Variants in IPCEF1 observed in about 807,000 individuals in gnomAD.
IPCEF1 encodes interactor protein for cytohesin exchange factors 1.
Under a neutral mutation model 50.9 loss-of-function variants are expected in IPCEF1, and 31 were observed. The observed-to-expected ratio is 0.61, with a 90% CI of 0.46 to 0.82. IPCEF1 has a LOEUF of 0.82. Ranked by LOEUF, IPCEF1 falls within the 40% of genes least tolerant of loss-of-function variation. IPCEF1 has a pLI of 0.00. For synonymous variants in IPCEF1, 181 were observed against 192.0 expected, an observed-to-expected ratio of 0.94 and a Z score of 0.47; for missense variants, 458 against 514.0, an observed-to-expected ratio of 0.89 and a Z score of 1.05.
chr6:154,191,317 A>G lies in IPCEF1; in HGVS notation c.910+8351T>C, dbSNP rs188977554. On this transcript the variant is annotated intron_variant, in intron 10 of 11. Coordinates refer to ENST00000367220, the MANE Select transcript of IPCEF1 (RefSeq NM_001130700.2). ...AAACTAGTCTGTATGATACTGTATTAGTGGATACATGACGTTATACATTTG... is the reference window on the plus strand; with the variant it reads ...AAACTAGTCTGTATGATACTGTATTGGTGGATACATGACGTTATACATTTG... Among the ~76,000 whole-genome samples the G allele has an allele frequency of 1.2e-4, 19 of 152,310 alleles. No individual in the cohort carries two copies. In the East Asian group the frequency reaches 3.5e-3, roughly 28 times the overall value.
At chr6:154,222,582 C>T (rs1778950360) in intron 6 of IPCEF1, among the ~76,000 whole-genome samples, 1 of 152,200 alleles carries the variant, frequency 6.6e-6, no homozygotes, top group Non-Finnish European at 1.5e-5. Context: ...CCAGCCCGCT[C>T]ATGAGATCTA....
chr6:154,159,717 T>C lies in IPCEF1; in HGVS notation c.*111A>G. On this transcript the variant is annotated 3_prime_UTR_variant, in exon 12 of 12. Coordinates refer to ENST00000367220, the MANE Select transcript of IPCEF1 (RefSeq NM_001130700.2). Reference sequence around the variant, plus strand: ...CGTGCATCTTTAGATGGGAAGCTGATGCTTGAAGGACTGGGTTTCAGTTTT... The same window carrying C: ...CGTGCATCTTTAGATGGGAAGCTGACGCTTGAAGGACTGGGTTTCAGTTTT... 1.3e-6 allele frequency: 1 copy of C among 775,108 alleles called. No homozygotes were observed. The highest frequency in any genetic ancestry group is 2.1e-6 in the Non-Finnish European group (1 of 468,112). 48.0% of individuals were successfully genotyped at this position (775,108 alleles called of 1,614,324 possible). A position where few individuals can be genotyped will look rare whatever the true frequency, so the allele number is the denominator to read the frequency against.
In IPCEF1 at chr6:154,298,903, A is replaced by T. The variant is rs1227476199; in HGVS notation, c.-61-9147T>A. Among the ~76,000 whole-genome samples the T allele has an allele frequency of 3.1e-5, 3 of 95,446 alleles. 1 individual carries two copies. The allele number at this position is 95,446 out of a possible 152,430, so 62.6% of individuals were successfully genotyped here. On this transcript the variant is annotated intron_variant, in intron 1 of 11. Coordinates refer to ENST00000367220, the MANE Select transcript of IPCEF1 (RefSeq NM_001130700.2). ...CTTGAACCCAGGAGGCGGAGGTTGC[A>T]GTAAGCTGAGATAGCCCCATTGCAC... is the stretch of plus-strand genomic sequence containing the variant.
At chr6:154,328,143 T>G (rs542963191) in intron 1 of IPCEF1, among the ~76,000 whole-genome samples, 4 of 152,238 alleles carry the variant, frequency 2.6e-5, no homozygotes, top group African/African-American at 9.6e-5. Flanking sequence ...GATGGGTTGA[T>G]CTGTGCAGCA....
intron 1 of IPCEF1, among the ~76,000 whole-genome samples, chr6:154,335,876 A>G (rs1212882416): frequency 6.6e-6 from 1 of 152,242 alleles, no homozygotes; most frequent in African/African-American, 2.4e-5. Context: ...CAAATGACCA[A>G]TAGATATATT....
intron 1 of IPCEF1, among the ~76,000 whole-genome samples, chr6:154,292,808 G>A (rs992509477): frequency 6.6e-6 from 1 of 152,276 alleles, no homozygotes; most frequent in African/African-American, 2.4e-5. Context: ...AAAAGTGGGC[G>A]ATATGTTAAA....
intron 1 of IPCEF1, among the ~76,000 whole-genome samples, chr6:154,319,506 T>A (rs989286345): frequency 2.0e-5 from 3 of 152,170 alleles, no homozygotes; most frequent in Non-Finnish European, 4.4e-5. Context: ...GTTTTCCACA[T>A]AAAGAAAACA....
chr6:154,186,579 C>T (rs13200260), intron 10 of IPCEF1, among the ~76,000 whole-genome samples: 81,986 of 151,256 alleles, frequency 0.54, 23,558 homozygotes, highest in African/African-American at 0.72. Context: ...TTTTTTGAGA[C>T]GGAGTCTCGC....
chr6:154,177,603 C>T (rs1432941174), intron 10 of IPCEF1, among the ~76,000 whole-genome samples: 3 of 152,166 alleles, frequency 2.0e-5, no homozygotes, highest in Non-Finnish European at 4.4e-5. Context: ...CATCTCACGC[C>T]AGTTAGAATG....
At chr6:154,315,582 G>A (rs1324629994) in intron 1 of IPCEF1, among the ~76,000 whole-genome samples, 1 of 152,094 alleles carries the variant, frequency 6.6e-6, no homozygotes, top group African/African-American at 2.4e-5. Flanking sequence ...GATCACAGAT[G>A]GGAATGGGCC....
intron 2 of IPCEF1, among the ~76,000 whole-genome samples, chr6:154,284,151 T>C (rs572652534): frequency 3.3e-5 from 5 of 152,338 alleles, no homozygotes; most frequent in South Asian, 2.1e-4. Context: ...AATGATTTTG[T>C]TGGGGAAAAA....
intron 9 of IPCEF1, among the ~76,000 whole-genome samples, chr6:154,205,634 T>G (rs940147871): frequency 2.0e-5 from 3 of 152,130 alleles, no homozygotes; most frequent in Non-Finnish European, 4.4e-5. Flanking sequence ...CACATTAATT[T>G]ATTATGTATT....
intron 1 of IPCEF1, among the ~76,000 whole-genome samples, chr6:154,343,071 C>T (rs1783950765): frequency 6.6e-6 from 1 of 152,100 alleles, no homozygotes; most frequent in African/African-American, 2.4e-5. Flanking sequence ...AGCTGAGATA[C>T]CACCACTGCA....
At chr6:154,281,616 C>G (rs934062696) in intron 2 of IPCEF1, among the ~76,000 whole-genome samples, 6 of 152,060 alleles carry the variant, frequency 3.9e-5, no homozygotes, top group African/African-American at 9.7e-5. Context: ...AATCCCAGCA[C>G]TTTGGGAGGA....
intron 1 of IPCEF1, among the ~76,000 whole-genome samples, chr6:154,301,858 T>TA (rs1315228766): frequency 6.6e-6 from 1 of 152,196 alleles, no homozygotes; most frequent in Non-Finnish European, 1.5e-5. Flanking sequence ...CTCAAAAGGT[T>TA]AAAAAAATTA....
At chr6:154,226,381 T>C (rs890928935) in intron 5 of IPCEF1, among the ~76,000 whole-genome samples, 7 of 152,128 alleles carry the variant, frequency 4.6e-5, no homozygotes, top group Admixed American at 1.3e-4. Flanking sequence ...ATTATCTTAC[T>C]CCATAAAATG....
rs34877577 is a variant in IPCEF1, at chr6:154,235,531, CA to C, written c.246+11059del. ...GGGCGACAAGAGCAAAACTCTGTCACAAAAAAAAAAAAAAAAAAAAGTAATG... is the reference window on the plus strand; with the variant it reads ...GGGCGACAAGAGCAAAACTCTGTCACAAAAAAAAAAAAAAAAAAAGTAATG... On this transcript the variant is annotated intron_variant, in intron 5 of 11. Transcript: ENST00000367220. 2.0e-3 allele frequency among the ~76,000 whole-genome samples: 197 copies of C among 97,552 alleles called. 1 individual carries two copies. The East Asian group carries it at 0.024, about 12-fold the overall frequency. The allele number at this position is 97,552 out of a possible 152,430, so 64.0% of individuals were successfully genotyped here. A position where few individuals can be genotyped will look rare whatever the true frequency, so the allele number is the denominator to read the frequency against.
At chr6:154,329,135 C>T (rs993070698) in intron 1 of IPCEF1, among the ~76,000 whole-genome samples, 10 of 152,198 alleles carry the variant, frequency 6.6e-5, no homozygotes, top group South Asian at 2.1e-4. Flanking sequence ...AAATCTGCCA[C>T]GTGCAGTGGC....
At chr6:154,342,635 G>C (rs961592324) in intron 1 of IPCEF1, among the ~76,000 whole-genome samples, 1 of 152,094 alleles carries the variant, frequency 6.6e-6, no homozygotes, top group African/African-American at 2.4e-5. Context: ...GGGCTGAGGA[G>C]GGGGAGGCAG....
Sources: allele counts gnomAD v4.1 joint callset (sites outside exome capture counted in the v4.1 genomes callset), GRCh38; gene constraint gnomAD v4.1.1; transcripts MANE v1.5; gene names NCBI Gene and HGNC (gene_info 2026-07-23, HGNC 2026-07-21).